Variants in KAZN observed in about 807,000 individuals in gnomAD.
The protein encoded by KAZN is kazrin, periplakin interacting protein.
Under a neutral mutation model 87.4 loss-of-function variants are expected in KAZN, and 40 were observed. That is an observed-to-expected ratio of 0.46 (90% confidence interval 0.36 to 0.60). KAZN has a LOEUF of 0.60. KAZN is among the 20% of genes least tolerant of loss of function. KAZN has a pLI of 0.00. For synonymous variants in KAZN, 466 were observed against 458.3 expected, an observed-to-expected ratio of 1.02 and a Z score of -0.22; for missense variants, 898 against 1,073.9, an observed-to-expected ratio of 0.84 and a Z score of 2.29.
chr1:14,394,752 T>G (rs1662750978), intron 2 of KAZN, among the ~76,000 whole-genome samples: 1 of 152,250 alleles, frequency 6.6e-6, no homozygotes. Context: ...CTGGTATTAG[T>G]GCTTTGCATA....
intron 1 of KAZN, among the ~76,000 whole-genome samples, chr1:14,145,964 T>G (rs1393274728): frequency 6.8e-6 from 1 of 147,396 alleles, no homozygotes; most frequent in Non-Finnish European, 1.5e-5. Flanking sequence ...TTCCTTTTTT[T>G]TCTTTATCTG....
chr1:14,790,994 G>A (rs1001346886), intron 1 of KAZN, among the ~76,000 whole-genome samples: 9 of 151,384 alleles, frequency 5.9e-5, no homozygotes, highest in Admixed American at 3.9e-4. Flanking sequence ...ACCGGCCCCC[G>A]CTGGCTTCCA....
chr1:15,113,057 C>T (rs1341705093), intron 14 of KAZN: 1 of 154,456 alleles, frequency 6.5e-6, no homozygotes, highest in African/African-American at 2.4e-5. Flanking sequence ...ATTGCACAGA[C>T]TCCAACTGAC....
At chr1:13,934,134 A>T (rs1247744165) in intron 1 of KAZN, among the ~76,000 whole-genome samples, 2 of 152,216 alleles carry the variant, frequency 1.3e-5, no homozygotes, top group Non-Finnish European at 2.9e-5. Flanking sequence ...TAAAATAGAA[A>T]ATATAAAAGT....
At chr1:14,318,908 T>A (rs981086117) in intron 2 of KAZN, among the ~76,000 whole-genome samples, 2 of 151,970 alleles carry the variant, frequency 1.3e-5, no homozygotes, top group African/African-American at 4.8e-5. Context: ...TATGTTCAGA[T>A]TTTTCCTTTA....
At chr1:14,328,748 GA>G (rs3084955) in intron 2 of KAZN, among the ~76,000 whole-genome samples, 19,172 of 55,916 alleles carry the variant, frequency 0.34, 1,854 homozygotes, top group Middle Eastern at 0.55. Flanking sequence ...ATCCCTAACT[GA>G]AAAAAAAAAA....
intron 2 of KAZN, among the ~76,000 whole-genome samples, chr1:14,531,821 A>C (rs1672222385): frequency 6.6e-6 from 1 of 152,196 alleles, no homozygotes; most frequent in South Asian, 2.1e-4. Flanking sequence ...ACTATTTGCA[A>C]AATGTTTCCA....
At chr1:14,221,353 T>C (rs1330582531) in intron 2 of KAZN, among the ~76,000 whole-genome samples, 1 of 152,204 alleles carries the variant, frequency 6.6e-6, no homozygotes, top group Non-Finnish European at 1.5e-5. Flanking sequence ...CCCTGGAGTC[T>C]TCTGTTAACA....
At chr1:14,512,523 G>T (rs1371244868) in intron 2 of KAZN, among the ~76,000 whole-genome samples, 2 of 142,280 alleles carry the variant, frequency 1.4e-5, no homozygotes, top group Non-Finnish European at 3.0e-5. Flanking sequence ...TAGGCTGCAT[G>T]GGTAGATTCA....
chr1:14,921,058 C>T (rs1658456496), intron 1 of KAZN, among the ~76,000 whole-genome samples: 1 of 151,996 alleles, frequency 6.6e-6, no homozygotes, highest in Non-Finnish European at 1.5e-5. Context: ...TGAGGGGCTA[C>T]AGCTGAGTAA....
At chr1:14,520,309 A>G (rs756149359) in intron 2 of KAZN, among the ~76,000 whole-genome samples, 12 of 152,076 alleles carry the variant, frequency 7.9e-5, no homozygotes, top group African/African-American at 2.2e-4. Flanking sequence ...CCACAGCCCA[A>G]TGGAGGAGAC....
At chr1:14,829,858 A>G (rs1557533158) in intron 1 of KAZN, among the ~76,000 whole-genome samples, 1 of 152,236 alleles carries the variant, frequency 6.6e-6, no homozygotes, top group Non-Finnish European at 1.5e-5. Context: ...GACTTCGTCC[A>G]AAGGTCATGT....
chr1:14,802,038 C>G (rs1416696202), intron 1 of KAZN, among the ~76,000 whole-genome samples: 1 of 152,090 alleles, frequency 6.6e-6, no homozygotes, highest in African/African-American at 2.4e-5. Flanking sequence ...AGCCCTTCCT[C>G]TGTCATGCCC....
At chr1:14,723,839 G>A (rs1336514543) in intron 1 of KAZN, among the ~76,000 whole-genome samples, 1 of 152,156 alleles carries the variant, frequency 6.6e-6, no homozygotes, top group Non-Finnish European at 1.5e-5. Context: ...ACTTTACTGG[G>A]CACCTCCTAT....
At chr1:14,219,274 G>T (rs538057398) in intron 2 of KAZN, among the ~76,000 whole-genome samples, 2 of 152,084 alleles carry the variant, frequency 1.3e-5, no homozygotes, top group Admixed American at 6.6e-5. Flanking sequence ...ACTTTTGAGG[G>T]TGTAGGGAAG....
intron 1 of KAZN, among the ~76,000 whole-genome samples, chr1:14,759,506 G>C (rs1038764418): frequency 6.6e-6 from 1 of 152,120 alleles, no homozygotes; most frequent in Non-Finnish European, 1.5e-5. Context: ...CTATTCAGAG[G>C]ACATTGAACA....
chr1:14,784,111 G>A (rs1346985538), intron 1 of KAZN, among the ~76,000 whole-genome samples: 1 of 152,126 alleles, frequency 6.6e-6, no homozygotes, highest in Non-Finnish European at 1.5e-5. Context: ...AGGGCAGGCT[G>A]GAATTCTTGG....
intron 1 of KAZN, among the ~76,000 whole-genome samples, chr1:14,958,548 G>A (rs11485048): frequency 0.07 from 10,728 of 152,224 alleles, 1,276 homozygotes; most frequent in African/African-American, 0.25. Flanking sequence ...CACAGCCAAT[G>A]AGGGTTAGAC....
intron 1 of KAZN, among the ~76,000 whole-genome samples, chr1:14,125,828 G>A (rs955161076): frequency 1.3e-5 from 2 of 151,962 alleles, no homozygotes; most frequent in African/African-American, 4.8e-5. Context: ...CATTACCCTC[G>A]GGCAACAAGG....
Sources: allele counts gnomAD v4.1 joint callset (sites outside exome capture counted in the v4.1 genomes callset), GRCh38; gene constraint gnomAD v4.1.1; transcripts MANE v1.5; gene names NCBI Gene and HGNC (gene_info 2026-07-23, HGNC 2026-07-21).